Variants in YBX2 observed in about 807,000 individuals in gnomAD.
The protein encoded by YBX2 is Y-box-binding protein 2.
Under a neutral mutation model 44.4 loss-of-function variants are expected in YBX2, and 5 were observed. The ratio of observed to expected loss-of-function variants is 0.11; its 90% CI spans 0.06 to 0.24. The LOEUF is 0.24. YBX2 is among the 10% of genes least tolerant of loss of function. The pLI is 1.00. For missense variants in YBX2, 417 were observed against 526.9 expected, an observed-to-expected ratio of 0.79 and a Z score of 2.04; for synonymous variants, 188 against 216.1, an observed-to-expected ratio of 0.87 and a Z score of 1.14.
Position 7,290,327 on chromosome 17 carries a change from C to G in YBX2, c.668G>C (p.Trp223Ser), listed in dbSNP as rs199546091. 6.2e-7 allele frequency: 1 copy of G among 1,613,886 alleles called. No individual in the cohort carries two copies. The highest frequency in any genetic ancestry group is 2.2e-5 in the East Asian group (1 of 44,870). Residue 223 changes from tryptophan (W) to serine (S), a missense_variant, in exon 5 of 9, where the codon TGG becomes TCG. By Grantham distance (177) the Trp-to-Ser change is radical. Transcript: ENST00000007699. ...AEDSGQRPRR[W>S]CPPPFFYRRR... is the part of the protein sequence containing the mutation. ...TCGGTAGAAGAAGGGTGGGGGGCAC[C>G]ATCGTCGGGGCCGTTGCCCAGAGTC...
Position 7,290,482 on chromosome 17 carries a change from G to T in YBX2, c.513C>A (p.Ser171Arg). ...TGPGGVPVKG[S>R]RYAPNRRKSR... ...ACTTACGTCGGTTGGGGGCATAACG[G>T]CTGCCCTTCACGGGTACTCCCCCAG... Residue 171 changes from serine to arginine, a missense_variant, in exon 5 of 9, where the codon AGC becomes AGA. This residue lies in a region of YBX2 where 39 missense variants were observed against 123.8 expected (regional missense o/e 0.32). Transcript: ENST00000007699. 1 of 1,613,400 alleles carries T rather than the reference G, an allele frequency of 6.2e-7. No homozygotes were observed. The highest frequency in any genetic ancestry group is 8.5e-7 in the Non-Finnish European group (1 of 1,179,560).
chr17:7,291,416 C>T lies in YBX2; in HGVS notation c.370-234G>A, dbSNP rs1403417371. On this transcript the variant is annotated intron_variant, in intron 3 of 8. Transcript: ENST00000007699. The surrounding 1 kb of genome is among the most constrained non-coding windows in gnomAD (Gnocchi z 5.8). ...GATGCACTCCCCGCACCTCCCCTCCCGCCCCGCTTTACCCCTCAGGGATTT... is the reference window on the plus strand; with the variant it reads ...GATGCACTCCCCGCACCTCCCCTCCTGCCCCGCTTTACCCCTCAGGGATTT... 21 of 572,004 alleles carry T rather than the reference C, an allele frequency of 3.7e-5. No individual in the cohort carries two copies. Among genetic ancestry groups the T allele is most frequent in the African/African-American group, 5.6e-5 (3 of 53,428 alleles). 35.4% of individuals were successfully genotyped at this position (572,004 alleles called of 1,614,324 possible). A position where few individuals can be genotyped will look rare whatever the true frequency, so the allele number is the denominator to read the frequency against.
In YBX2 at chr17:7,292,124, C is replaced by T. The variant is rs2072505688; in HGVS notation, c.336-65G>A. 14 of 1,587,604 alleles carry T rather than the reference C, an allele frequency of 8.8e-6. No individual in the cohort carries two copies. In the South Asian group the frequency reaches 1.5e-4, roughly 18 times the overall value. On this transcript the variant is annotated intron_variant, in intron 2 of 8. Coordinates refer to ENST00000007699, the MANE Select transcript of YBX2 (RefSeq NM_015982.4). ...AAAGCCCTCAGCTCCTCACTGAGGT[C>T]CCCCTAGATGCCCAGTCTAAGCTCA...
At position 7,288,371 on chromosome 17, in the gene YBX2, G is replaced by A; in HGVS notation, c.*312C>T. 5.7e-6 allele frequency: 1 copy of A among 175,618 alleles called. No homozygotes were observed. The highest frequency in any genetic ancestry group is 1.6e-4 in the East Asian group (1 of 6,194). 10.9% of individuals were successfully genotyped at this position (175,618 alleles called of 1,614,324 possible). ...AAAAATAAACTTGGGGTGGGGGCAA[G>A]AAAAGCAACCAGGAGGAGGTAAGAG... On this transcript the variant is annotated 3_prime_UTR_variant, in exon 9 of 9. Transcript: ENST00000007699.
rs2072499574 is a variant in YBX2 at position 7,291,242 on chromosome 17, CT to C, written c.370-61del. ...AGCAAGACAGGAGTCTCTGTCACCC[CT>C]GCTGGGGCCACCACCCAATTTCATT... On this transcript the variant is annotated intron_variant, in intron 3 of 8. Transcript: ENST00000007699. This position sits in a 1 kb window ranked among gnomAD's most constrained non-coding sequence, Gnocchi z 5.8. The C allele has an allele frequency of 6.6e-7, 1 of 1,522,190 alleles. No individual in the cohort carries two copies. Among genetic ancestry groups the C allele is most frequent in the Non-Finnish European group, 9.1e-7 (1 of 1,098,162 alleles). The allele number at this position is 1,522,190 out of a possible 1,614,324, so 94.3% of individuals were successfully genotyped here. A position where few individuals can be genotyped will look rare whatever the true frequency, so the allele number is the denominator to read the frequency against.
rs2072493114 is a variant in YBX2, at chr17:7,290,399, A to T, written c.596T>A (p.Ile199Asn). 6 of 1,613,376 alleles carry T rather than the reference A, an allele frequency of 3.7e-6. No individual in the cohort carries two copies. Among genetic ancestry groups the T allele is most frequent in the Non-Finnish European group, 4.2e-6 (5 of 1,179,868 alleles). Residue 199 changes from isoleucine to asparagine, a missense_variant, in exon 5 of 9, where the codon ATC (isoleucine) becomes AAC (asparagine). This residue lies in a region of YBX2 where 257 missense variants were observed against 261.7 expected (regional missense o/e 0.98). Transcript: ENST00000007699. ...SVAPPPMVAE[I>N]PSAGTGPGSK... Reference sequence around the variant, plus strand: ...GCCAGGTCCTGTCCCCGCCGAGGGGATCTCTGCCACCATGGGTGGTGGGGC... The same window carrying T: ...GCCAGGTCCTGTCCCCGCCGAGGGGTTCTCTGCCACCATGGGTGGTGGGGC...
intron 1 of YBX2, 90 bp from the exon 2 acceptor site, chr17:7,293,628 T>C: frequency 6.3e-7 from 1 of 1,594,368 alleles, no homozygotes; most frequent in Non-Finnish European, 8.5e-7. Flanking sequence ...CAAAAAAAAA[T>C]CTAGCCTACT....
At position 7,289,706 on chromosome 17, in the gene YBX2, G is replaced by A. The variant is rs142744898; in HGVS notation, c.868C>T (p.Arg290Cys). Residue 290 changes from arginine (R) to cysteine (C), a missense_variant, in exon 7 of 9, where the codon CGC becomes TGC. Around this residue, in one of 3 missense-constraint regions of YBX2, gnomAD observed 257 missense variants for 261.7 expected, o/e 0.98. Transcript: ENST00000007699. ...RYRRPFRPRP[R>C]QQPTTEGGDG... ...CCACCTTCTGTGGTAGGCTGCTGGC[G>A]TGGCCTGGGGCGGAAAGGCCTAAGG... 2.4e-4 allele frequency: 382 copies of A among 1,608,982 alleles called. No homozygotes were observed. The highest frequency in any genetic ancestry group is 5.9e-4 in the Admixed American group (35 of 59,178).
Position 7,290,283 on chromosome 17 carries a change from G to A in YBX2, c.712C>T (p.Pro238Ser), listed in dbSNP as rs1247615491. The A allele has an allele frequency of 6.2e-7, 1 of 1,613,584 alleles. No individual in the cohort carries two copies. The highest frequency in any genetic ancestry group is 2.2e-5 in the East Asian group (1 of 44,860). ...GGCTGCTGCTGGTTGGGAGGCCGGG[G>A]GCCTCGCACAAACCGCCGTCGGTAG... ...FFYRRRFVRG[P>S]RPPNQQQPIE... The change falls in exon 5 of 9, where the codon CCC (proline) becomes TCC (serine). Residue 238 changes from proline (P) to serine (S), a missense_variant. By Grantham distance (74) the Pro-to-Ser change is moderately conservative. This residue lies in a region of YBX2 where 257 missense variants were observed against 261.7 expected (regional missense o/e 0.98). Transcript: ENST00000007699.
Position 7,291,031 on chromosome 17 carries a change from T to TGACCTCCAGGCC in YBX2, c.459+50_459+61dup. 1.3e-6 allele frequency: 2 copies of TGACCTCCAGGCC among 1,548,008 alleles called. No homozygotes were observed. The highest frequency in any genetic ancestry group is 1.8e-6 in the Non-Finnish European group (2 of 1,121,486). On this transcript the variant is annotated intron_variant, in intron 4 of 8. Coordinates refer to ENST00000007699, the MANE Select transcript of YBX2 (RefSeq NM_015982.4). The surrounding 1 kb of genome is among the most constrained non-coding windows in gnomAD (Gnocchi z 5.8). ...GCCCCAGGAGGGTCTTAGCCTGTGA[T>TGACCTCCAGGCC]GACCTCCAGGCCACCCTCCCGTAAG...
chr17:7,292,197 G>A (rs1317398733), intron 2 of YBX2, 138 bp from the exon 3 acceptor site: 1 of 958,748 alleles, frequency 1.0e-6, no homozygotes, highest in African/African-American at 1.6e-5. Context: ...ACATGGCCTG[G>A]GGAATGGGAG....
At chr17:7,293,706 C>T (rs1028407023) in intron 1 of YBX2, 168 bp from the exon 2 acceptor site, 16 of 1,328,814 alleles carry the variant, frequency 1.2e-5, no homozygotes, top group Non-Finnish European at 1.5e-5. Flanking sequence ...GGTATTCCTA[C>T]CCTAGTCCAC....
chr17:7,288,550 G>A lies in YBX2; in HGVS notation c.*133C>T, dbSNP rs1050005238. On this transcript the variant is annotated 3_prime_UTR_variant, in exon 9 of 9. Transcript: ENST00000007699. ...TGGTCCTCCTGAGTCTCAAGGAAAA[G>A]GTGAAAAGCTGGTGTTTTGATGTCA... 5.8e-6 allele frequency: 3 copies of A among 519,506 alleles called. No homozygotes were observed. The highest frequency in any genetic ancestry group is 1.9e-5 in the African/African-American group (1 of 52,038). 32.2% of individuals were successfully genotyped at this position (519,506 alleles called of 1,614,324 possible). A position where few individuals can be genotyped will look rare whatever the true frequency, so the allele number is the denominator to read the frequency against.
chr17:7,290,389 C>A lies in YBX2; in HGVS notation c.606G>T (p.Ala202=). ...PPPMVAEIPS[A]GTGPGSKGER... is the part of the protein sequence containing the mutation. ...CCCCTTTACTGCCAGGTCCTGTCCCCGCCGAGGGGATCTCTGCCACCATGG... is the reference window on the plus strand; with the variant it reads ...CCCCTTTACTGCCAGGTCCTGTCCCAGCCGAGGGGATCTCTGCCACCATGG... The change falls in exon 5 of 9, where the codon GCG becomes GCT. Residue 202 remains alanine, a synonymous_variant. Coordinates refer to ENST00000007699, the MANE Select transcript of YBX2 (RefSeq NM_015982.4). 1 of 1,614,036 alleles carries A rather than the reference C, an allele frequency of 6.2e-7. No individual in the cohort carries two copies.
intron 2 of YBX2, chr17:7,292,521 T>A (rs1321609881): frequency 2.0e-5 from 4 of 201,746 alleles, no homozygotes; most frequent in Non-Finnish European, 4.2e-5. Flanking sequence ...GCAGAACAAG[T>A]TTGAGAAGGG....
intron 7 of YBX2, among the ~76,000 whole-genome samples, chr17:7,289,121 CA>C (rs2072477323): frequency 6.6e-6 from 1 of 152,308 alleles, no homozygotes; most frequent in South Asian, 2.1e-4. Flanking sequence ...TTCTGCCTCC[CA>C]AAGTGCTGGG....
In YBX2 at chr17:7,293,071, T is replaced by C. The variant is rs7210715; in HGVS notation, c.335+404A>G. 8.8e-3 allele frequency: 2,550 copies of C among 291,328 alleles called. 60 individuals are homozygous for C. The highest frequency in any genetic ancestry group is 0.052 in the African/African-American group (2,364 of 45,698). 18.0% of individuals were successfully genotyped at this position (291,328 alleles called of 1,614,324 possible). ...AGGGCTCGAATGAGCCACAGCTCTT[T>C]AAGGGAGTTGAGTTGTGAGTGCTGC... On this transcript the variant is annotated intron_variant, in intron 2 of 8. Coordinates refer to ENST00000007699, the MANE Select transcript of YBX2 (RefSeq NM_015982.4).
chr17:7,293,647 A>G, intron 1 of YBX2, 109 bp from the exon 2 acceptor site: 2 of 1,569,616 alleles, frequency 1.3e-6, no homozygotes, highest in Non-Finnish European at 1.7e-6. Flanking sequence ...CTGCCTTATT[A>G]CCTATTCAGG....
At chr17:7,289,435 G>C (rs1181550193) in intron 7 of YBX2, 95 bp downstream of exon 7, 2 of 1,523,856 alleles carry the variant, frequency 1.3e-6, no homozygotes, top group Non-Finnish European at 1.8e-6. Flanking sequence ...CAGGGGAGGG[G>C]AGGAGCCAAA....
Sources: allele counts gnomAD v4.1 joint callset (sites outside exome capture counted in the v4.1 genomes callset), GRCh38; gene constraint gnomAD v4.1.1; regional missense constraint gnomAD v4.1.1; non-coding constraint Gnocchi (gnomAD v3.1); transcripts MANE v1.5; gene names NCBI Gene and HGNC (gene_info 2026-07-23, HGNC 2026-07-21).